SP8: variants seen among roughly 807,000 people sequenced by gnomAD.
The protein encoded by SP8 is transcription factor Sp8.
Under a neutral mutation model 15.3 loss-of-function variants are expected in SP8, and 7 were observed. The observed-to-expected ratio is 0.46, with a 90% CI of 0.26 to 0.86. The LOEUF (loss-of-function observed/expected upper bound fraction) is 0.86, where lower values mean the gene tolerates loss of function less well. SP8 is among the 40% of genes least tolerant of loss of function. The pLI is 0.16. For synonymous variants in SP8, 415 were observed against 356.3 expected (o/e 1.16, Z -1.86); for missense variants, 731 against 736.4 (o/e 0.99, Z 0.09).
chr7:20,784,340 G>T lies in SP8; in HGVS notation c.1477C>A (p.Pro493Thr). 1 of 1,520,206 alleles carries T rather than the reference G, an allele frequency of 6.6e-7. No homozygotes were observed. Among genetic ancestry groups the T allele is most frequent in the Non-Finnish European group, 8.8e-7 (1 of 1,141,030 alleles). 94.2% of individuals were successfully genotyped at this position (1,520,206 alleles called of 1,614,324 possible). ...GGCTCGGGGGGCTGCAGCAGCTCTGGGGAGTGGCAGGGCGGGCTGCCCGCG... is the reference window on the plus strand; with the variant it reads ...GGCTCGGGGGGCTGCAGCAGCTCTGTGGAGTGGCAGGGCGGGCTGCCCGCG... ...SAAGSPPCHSPELLQPPEPGH... is the reference protein window; with the variant it reads ...SAAGSPPCHSTELLQPPEPGH... Residue 493 changes from proline (P) to threonine (T), a missense_variant, in exon 2 of 2, where the codon CCA (proline) becomes ACA (threonine). Transcript: ENST00000418710.
In SP8 at chr7:20,785,004, C is replaced by T. The variant is rs766196221; in HGVS notation, c.813G>A (p.Ser271=). 2.5e-6 allele frequency: 4 copies of T among 1,573,378 alleles called. No homozygotes were observed. Among genetic ancestry groups the T allele is most frequent in the Admixed American group, 1.7e-5 (1 of 57,870 alleles). The change falls in exon 2 of 2, where the codon TCG becomes TCA. Residue 271 remains serine, a synonymous_variant. Coordinates refer to ENST00000418710, the MANE Select transcript of SP8 (RefSeq NM_182700.6). This position sits in a 1 kb window ranked among gnomAD's most constrained non-coding sequence, Gnocchi z 7.2. ...CCGAGTGACTCAGGCCCGAGTAATC[C>T]GAGTTGTAGCCTCCGAGCGGCGAGT... is the stretch of plus-strand genomic sequence containing the variant. ...SLHSPLGGYN[S]DYSGLSHSAF... is the part of the protein sequence containing the mutation.
At position 20,784,097 on chromosome 7, in the gene SP8, G is replaced by A; in HGVS notation, c.*193C>T. The A allele has an allele frequency of 1.9e-6, 1 of 517,318 alleles. No individual in the cohort carries two copies. Among genetic ancestry groups the A allele is most frequent in the Non-Finnish European group, 3.1e-6 (1 of 318,434 alleles). 32.0% of individuals were successfully genotyped at this position (517,318 alleles called of 1,614,324 possible). A position where few individuals can be genotyped will look rare whatever the true frequency, so the allele number is the denominator to read the frequency against. On this transcript the variant is annotated 3_prime_UTR_variant, in exon 2 of 2. Coordinates refer to ENST00000418710, the MANE Select transcript of SP8 (RefSeq NM_182700.6). The stretch of plus-strand genomic sequence containing the variant: ...AAGCCAGGGCCCGGGACAGCGATGC[G>A]TGTTACTTACTTGTCCATATCCCCT...
Position 20,786,003 on chromosome 7 carries a change from A to G in SP8, c.22-208T>C. ...CGCTTCCTACTCTACAGGAGGGGAC[A>G]AGTTTGGCTGCCGGCGTCTGATTCG... On this transcript the variant is annotated intron_variant, in intron 1 of 1. Coordinates refer to ENST00000418710, the MANE Select transcript of SP8 (RefSeq NM_182700.6). This position sits in a 1 kb window ranked among gnomAD's most constrained non-coding sequence, Gnocchi z 4.4. The G allele has an allele frequency of 1.4e-6, 2 of 1,409,346 alleles. No individual in the cohort carries two copies. Among genetic ancestry groups the G allele is most frequent in the South Asian group, 3.2e-5 (2 of 61,632 alleles). 87.3% of individuals were successfully genotyped at this position (1,409,346 alleles called of 1,614,324 possible).
Position 20,786,466 on chromosome 7 carries a change from G to C in SP8, c.21+312C>G, listed in dbSNP as rs1303584235. Among the ~76,000 whole-genome samples the C allele has an allele frequency of 6.6e-6, 1 of 152,072 alleles. No individual in the cohort carries two copies. Among genetic ancestry groups the C allele is most frequent in the Non-Finnish European group, 1.5e-5 (1 of 68,002 alleles). ...GCACTTTGCCCAGAAGGAAAAACTT[G>C]CTCTCTTTACCCCCGAAATCGGTGC... On this transcript the variant is annotated intron_variant, in intron 1 of 1. Coordinates refer to ENST00000418710, the MANE Select transcript of SP8 (RefSeq NM_182700.6). The surrounding 1 kb of genome is among the most constrained non-coding windows in gnomAD (Gnocchi z 4.4).
chr7:20,785,414 AGGCGGCGGCTGCGGCGGC>A lies in SP8; in HGVS notation c.385_402del (p.Ala129_Ala134del). The A allele has an allele frequency of 2.5e-6, 3 of 1,184,580 alleles. No homozygotes were observed. Among genetic ancestry groups the A allele is most frequent in the Non-Finnish European group, 3.2e-6 (3 of 940,886 alleles). The allele number at this position is 1,184,580 out of a possible 1,614,324, so 73.4% of individuals were successfully genotyped here. On this transcript the variant is annotated inframe_deletion, in exon 2 of 2. Transcript: ENST00000418710. This position sits in a 1 kb window ranked among gnomAD's most constrained non-coding sequence, Gnocchi z 7.2. ...TAGTCGTTGGCGAAGGGCGAGCTGG[AGGCGGCGGCTGCGGCGGC>A]GGCGGCGGCGGCTGCGGCGCTGCTG... is the stretch of plus-strand genomic sequence containing the variant.
In SP8 at chr7:20,783,514, A is replaced by G. The variant is rs1458598839; in HGVS notation, c.*776T>C. On this transcript the variant is annotated 3_prime_UTR_variant, in exon 2 of 2. Transcript: ENST00000418710. Reference sequence around the variant, plus strand: ...CCCCTAGTTTTTTTAAAAATAAAATATATGCTATAAAGATGAAAGAAAGCT... The same window carrying G: ...CCCCTAGTTTTTTTAAAAATAAAATGTATGCTATAAAGATGAAAGAAAGCT... 4 of 152,262 alleles carry G rather than the reference A, an allele frequency of 2.6e-5. No homozygotes were observed. The highest frequency in any genetic ancestry group is 9.6e-5 in the African/African-American group (4 of 41,464). 9.4% of individuals were successfully genotyped at this position (152,262 alleles called of 1,614,324 possible). A position where few individuals can be genotyped will look rare whatever the true frequency, so the allele number is the denominator to read the frequency against.
rs781444087 is a variant in SP8, at chr7:20,785,126, C to G, written c.691G>C (p.Val231Leu). ...GSAGASSWWD[V>L]GAGWIDVQNP... ...TGCACGTCGATCCAGCCGGCCCCCA[C>G]GTCCCACCAGCTGGAGGCGCCGGCC... The change falls in exon 2 of 2, where the codon GTG (valine) becomes CTG (leucine). Residue 231 changes from valine to leucine, a missense_variant. Around this residue, in one of 3 missense-constraint regions of SP8, gnomAD observed 586 missense variants for 524.9 expected, o/e 1.12. Coordinates refer to ENST00000418710, the MANE Select transcript of SP8 (RefSeq NM_182700.6). The surrounding 1 kb of genome is among the most constrained non-coding windows in gnomAD (Gnocchi z 7.2). 2 of 1,590,906 alleles carry G rather than the reference C, an allele frequency of 1.3e-6. No homozygotes were observed.
chr7:20,785,526 G>GGCAGCCGCGGCT lies in SP8; in HGVS notation c.279_290dup (p.Ala96_Ala99dup). The stretch of plus-strand genomic sequence containing the variant: ...TGAACGAGTCGGACACCAGGGCCGC[G>GGCAGCCGCGGCT]GCAGCCGCGGCTGCTGCCGCGGCCG... On this transcript the variant is annotated inframe_insertion, in exon 2 of 2. Coordinates refer to ENST00000418710, the MANE Select transcript of SP8 (RefSeq NM_182700.6). The surrounding 1 kb of genome is among the most constrained non-coding windows in gnomAD (Gnocchi z 7.2). 1 of 1,423,764 alleles carries GGCAGCCGCGGCT rather than the reference G, an allele frequency of 7.0e-7. No individual in the cohort carries two copies. Among genetic ancestry groups the GGCAGCCGCGGCT allele is most frequent in the Non-Finnish European group, 9.1e-7 (1 of 1,093,734 alleles). The allele number at this position is 1,423,764 out of a possible 1,614,324, so 88.2% of individuals were successfully genotyped here. A position where few individuals can be genotyped will look rare whatever the true frequency, so the allele number is the denominator to read the frequency against.
In SP8 at chr7:20,784,263, G is replaced by T; in HGVS notation, c.*27C>A. ...AAGAGGACTTGGTGGGAGGAGGTCG[G>T]GGAGAGGGGCGGGCGCAGGGTGGGC... On this transcript the variant is annotated 3_prime_UTR_variant, in exon 2 of 2. Transcript: ENST00000418710. 6.9e-7 allele frequency: 1 copy of T among 1,442,296 alleles called. No homozygotes were observed. The highest frequency in any genetic ancestry group is 9.1e-7 in the Non-Finnish European group (1 of 1,102,672). 89.3% of individuals were successfully genotyped at this position (1,442,296 alleles called of 1,614,324 possible).
In SP8 at chr7:20,784,042, G is replaced by A. The variant is rs1266865869; in HGVS notation, c.*248C>T. ...CGAGGCGCGGGTTCCGGCTGCAACG[G>A]GTTCAGGCAGCGTTACCCGTGGAAA... On this transcript the variant is annotated 3_prime_UTR_variant, in exon 2 of 2. Coordinates refer to ENST00000418710, the MANE Select transcript of SP8 (RefSeq NM_182700.6). 5 of 447,696 alleles carry A rather than the reference G, an allele frequency of 1.1e-5. No individual in the cohort carries two copies. Among genetic ancestry groups the A allele is most frequent in the Non-Finnish European group, 1.5e-5 (4 of 261,758 alleles). 27.7% of individuals were successfully genotyped at this position (447,696 alleles called of 1,614,324 possible).
chr7:20,785,576 C>T lies in SP8; in HGVS notation c.241G>A (p.Gly81Ser), dbSNP rs765347288. 3 of 1,603,520 alleles carry T rather than the reference C, an allele frequency of 1.9e-6. No homozygotes were observed. The highest frequency in any genetic ancestry group is 1.1e-5 in the South Asian group (1 of 90,476). ...GCCGCAGCCGCCGAGGACGAGCCGC[C>T]GTTCCTGGAGGCCCCGGACACGCCG... is the stretch of plus-strand genomic sequence containing the variant. The part of the protein sequence containing the change: ...SFGVSGASRN[G>S]GSSSAAAAAA... The change falls in exon 2 of 2, where the codon GGC becomes AGC. Residue 81 changes from glycine to serine, a missense_variant. Gly to Ser is a moderately conservative substitution (Grantham distance 56). Around this residue, in one of 3 missense-constraint regions of SP8, gnomAD observed 586 missense variants for 524.9 expected, o/e 1.12. Transcript: ENST00000418710. The surrounding 1 kb of genome is among the most constrained non-coding windows in gnomAD (Gnocchi z 7.2).
In SP8 at chr7:20,786,873, G is replaced by T. The variant is rs1783692178; in HGVS notation, c.-75C>A. ...ATCAGAGGCAGTGTTTTTTTTAGAG[G>T]TGTGCAATACAATGATCAGTTCCGC... On this transcript the variant is annotated 5_prime_UTR_variant, in exon 1 of 2. Transcript: ENST00000418710. The surrounding 1 kb of genome is among the most constrained non-coding windows in gnomAD (Gnocchi z 4.4). The T allele has an allele frequency of 4.2e-6, 5 of 1,200,512 alleles. No individual in the cohort carries two copies. The highest frequency in any genetic ancestry group is 4.6e-5 in the East Asian group (2 of 43,022). 74.4% of individuals were successfully genotyped at this position (1,200,512 alleles called of 1,614,324 possible).
Position 20,785,507 on chromosome 7 carries a change from A to T in SP8, c.310T>A (p.Ser104Thr). 1 of 1,450,788 alleles carries T rather than the reference A, an allele frequency of 6.9e-7. No homozygotes were observed. Among genetic ancestry groups the T allele is most frequent in the Admixed American group, 3.0e-5 (1 of 33,500 alleles). 89.9% of individuals were successfully genotyped at this position (1,450,788 alleles called of 1,614,324 possible). ...CCAGGCGAGCCGCCGCAGCTGAACG[A>T]GTCGGACACCAGGGCCGCGGCAGCC... is the stretch of plus-strand genomic sequence containing the variant. ...AAAAAALVSD[S>T]FSCGGSPGSS... Residue 104 changes from serine to threonine, a missense_variant, in exon 2 of 2, where the codon TCG becomes ACG. By Grantham distance (58) the Ser-to-Thr change is moderately conservative. Around this residue, in one of 3 missense-constraint regions of SP8, gnomAD observed 586 missense variants for 524.9 expected, o/e 1.12. Transcript: ENST00000418710. The surrounding 1 kb of genome is among the most constrained non-coding windows in gnomAD (Gnocchi z 7.2).
chr7:20,785,391 G>A lies in SP8; in HGVS notation c.426C>T (p.Asp142=). The A allele has an allele frequency of 7.4e-7, 1 of 1,344,816 alleles. No homozygotes were observed. The highest frequency in any genetic ancestry group is 1.6e-5 in the South Asian group (1 of 62,996). 83.3% of individuals were successfully genotyped at this position (1,344,816 alleles called of 1,614,324 possible). A position where few individuals can be genotyped will look rare whatever the true frequency, so the allele number is the denominator to read the frequency against. ...CTCCGGGGGCCTGGAAAACAGAGTA[G>A]TCGTTGGCGAAGGGCGAGCTGGAGG... ...AAASSSPFAN[D]YSVFQAPGVS... The change falls in exon 2 of 2, where the codon GAC becomes GAT. Residue 142 remains aspartate (D), a synonymous_variant. Transcript: ENST00000418710. The surrounding 1 kb of genome is among the most constrained non-coding windows in gnomAD (Gnocchi z 7.2).
At position 20,785,542 on chromosome 7, in the gene SP8, G is replaced by C; in HGVS notation, c.275C>G (p.Ala92Gly). The C allele has an allele frequency of 2.1e-6, 3 of 1,430,726 alleles. 1 individual carries two copies. Among genetic ancestry groups the C allele is most frequent in the East Asian group, 5.9e-5 (2 of 33,812 alleles). 88.6% of individuals were successfully genotyped at this position (1,430,726 alleles called of 1,614,324 possible). ...CAGGGCCGCGGCAGCCGCGGCTGCT[G>C]CCGCGGCCGCCGCAGCCGCCGAGGA... Reference protein sequence around the residue: ...GSSSAAAAAAAAAAAAAALVS... With the variant: ...GSSSAAAAAAGAAAAAAALVS... Residue 92 changes from alanine to glycine, a missense_variant, in exon 2 of 2, where the codon GCA becomes GGA. Ala to Gly is a moderately conservative substitution (Grantham distance 60). Coordinates refer to ENST00000418710, the MANE Select transcript of SP8 (RefSeq NM_182700.6). The surrounding 1 kb of genome is among the most constrained non-coding windows in gnomAD (Gnocchi z 7.2).
In SP8 at chr7:20,786,030, G is replaced by A; in HGVS notation, c.22-235C>T. ...GTTTGGCTGCCGGCGTCTGATTCGGGAGCAAGCACCACGCTAAAGAAGAGT... is the reference window on the plus strand; with the variant it reads ...GTTTGGCTGCCGGCGTCTGATTCGGAAGCAAGCACCACGCTAAAGAAGAGT... On this transcript the variant is annotated intron_variant, in intron 1 of 1. Coordinates refer to ENST00000418710, the MANE Select transcript of SP8 (RefSeq NM_182700.6). This position sits in a 1 kb window ranked among gnomAD's most constrained non-coding sequence, Gnocchi z 4.4. The A allele has an allele frequency of 2.1e-6, 3 of 1,395,962 alleles. No individual in the cohort carries two copies. In the East Asian group the frequency reaches 7.8e-5, roughly 36 times the overall value. 86.5% of individuals were successfully genotyped at this position (1,395,962 alleles called of 1,614,324 possible). A position where few individuals can be genotyped will look rare whatever the true frequency, so the allele number is the denominator to read the frequency against.
rs372591893 is a variant in SP8 at position 20,785,321 on chromosome 7, A to AGCCGCC, written c.490_495dup (p.Gly164_Gly165dup). Reference sequence around the variant, plus strand: ...GAGCCGTCCTGCGAGTGCGCGGAGGAGCCGCCGCCGCCGCCCCCGCCGCCG... The same window carrying AGCCGCC: ...GAGCCGTCCTGCGAGTGCGCGGAGGAGCCGCCGCCGCCGCCGCCGCCCCCGCCGCCG... On this transcript the variant is annotated inframe_insertion, in exon 2 of 2. Transcript: ENST00000418710. The surrounding 1 kb of genome is among the most constrained non-coding windows in gnomAD (Gnocchi z 7.2). The AGCCGCC allele has an allele frequency of 1.3e-5, 20 of 1,488,106 alleles. No individual in the cohort carries two copies. The Admixed American group carries it at 1.4e-4, about 10-fold the overall frequency. 92.2% of individuals were successfully genotyped at this position (1,488,106 alleles called of 1,614,324 possible).
Position 20,786,640 on chromosome 7 carries a change from T to C in SP8, c.21+138A>G. ...CCCTTTTTCTTTTCTCCAAACTCAC[T>C]TGTATTTAAAGAAAAAAAAAAAAAG... On this transcript the variant is annotated intron_variant, in intron 1 of 1. Transcript: ENST00000418710. This position sits in a 1 kb window ranked among gnomAD's most constrained non-coding sequence, Gnocchi z 4.4. 1.3e-6 allele frequency: 1 copy of C among 760,144 alleles called. No homozygotes were observed. The highest frequency in any genetic ancestry group is 2.3e-6 in the Non-Finnish European group (1 of 432,052). The allele number at this position is 760,144 out of a possible 1,614,324, so 47.1% of individuals were successfully genotyped here.
chr7:20,786,805 A>T lies in SP8; in HGVS notation c.-7T>A, dbSNP rs374349221. ...CTAGAAGTGAAGTTGCCATCACACA[A>T]AAGTGCCCTCCTCCTCTCAGAGGAT... is the stretch of plus-strand genomic sequence containing the variant. On this transcript the variant is annotated 5_prime_UTR_variant, in exon 1 of 2. The change creates a new upstream start codon in the 5' untranslated region. Transcript: ENST00000418710. This position sits in a 1 kb window ranked among gnomAD's most constrained non-coding sequence, Gnocchi z 4.4. 1.2e-6 allele frequency: 2 copies of T among 1,612,266 alleles called. No homozygotes were observed. Among genetic ancestry groups the T allele is most frequent in the South Asian group, 2.2e-5 (2 of 91,050 alleles).
Sources: gnomAD v4.1 joint callset for allele counts (sites outside exome capture counted in the v4.1 genomes callset) on GRCh38, gnomAD v4.1.1 for gene constraint, gnomAD v4.1.1 regional missense constraint, Gnocchi (gnomAD v3.1) non-coding constraint, MANE v1.5 for transcripts, NCBI Gene and HGNC (gene_info 2026-07-23, HGNC 2026-07-21) for gene names.